EML6: variants seen among roughly 807,000 people sequenced by gnomAD.
EML6 encodes EMAP like 6, also known as echinoderm microtubule-associated protein-like 6.
EML6 carries 154 observed loss-of-function variants against 240.1 expected under a neutral mutation model. That is an observed-to-expected ratio of 0.64 (90% CI 0.56 to 0.73). The LOEUF is 0.73. Among genes scored for constraint, EML6 ranks in the 30% least tolerant of loss-of-function variants. The pLI is 0.00. For missense variants in EML6, 2,964 were observed against 2,474.6 expected (o/e 1.20, Z -4.20); for synonymous variants, 1,148 against 899.0 (o/e 1.28, Z -4.95).
chr2:54,862,683 T>G (rs1158072172), intron 12 of EML6, among the ~76,000 whole-genome samples: 1 of 151,634 alleles, frequency 6.6e-6, no homozygotes, highest in Non-Finnish European at 1.5e-5. Flanking sequence ...AGGACACGAG[T>G]AAGATGAATC....
chr2:54,744,949 CA>C (rs1558521017), intron 2 of EML6, among the ~76,000 whole-genome samples: 5,578 of 144,964 alleles, frequency 0.038, 202 homozygotes, highest in Middle Eastern at 0.089. Context: ...CACACACACA[CA>C]CACACACACA....
At chr2:54,949,922 C>T (rs1308682998) in intron 29 of EML6, among the ~76,000 whole-genome samples, 1 of 152,224 alleles carries the variant, frequency 6.6e-6, no homozygotes, top group Non-Finnish European at 1.5e-5. Flanking sequence ...AGACCTTCTC[C>T]AGTATCTTTT....
chr2:54,842,930 G>A (rs1669541057), intron 7 of EML6, among the ~76,000 whole-genome samples: 1 of 152,218 alleles, frequency 6.6e-6, no homozygotes, highest in Non-Finnish European at 1.5e-5. Context: ...GGTATTTTGA[G>A]ATTGAAATTG....
chr2:54,895,171 C>A, intron 20 of EML6, 102 bp from the exon 21 acceptor site: 1 of 1,370,096 alleles, frequency 7.3e-7, no homozygotes, highest in Non-Finnish European at 1.0e-6. Context: ...AATGTCAAGG[C>A]TGACTGCCTA....
Position 54,847,761 on chromosome 2 carries a change from C to T in EML6, c.1187+138C>T, listed in dbSNP as rs868419896. On this transcript the variant is annotated intron_variant, in intron 9 of 41. Coordinates refer to ENST00000356458, the MANE Select transcript of EML6 (RefSeq NM_001039753.4). ...ATAGGAATACTATAGATCTACGATCCCCTATCTGTAATTCTGAAGTCCTAA... is the reference window on the plus strand; with the variant it reads ...ATAGGAATACTATAGATCTACGATCTCCTATCTGTAATTCTGAAGTCCTAA... 42 of 779,606 alleles carry T rather than the reference C, an allele frequency of 5.4e-5. 1 individual carries two copies. The highest frequency in any genetic ancestry group is 2.3e-4 in the South Asian group (8 of 34,744). The allele number at this position is 779,606 out of a possible 1,614,324, so 48.3% of individuals were successfully genotyped here.
At chr2:54,782,634 G>A (rs1432543117) in intron 2 of EML6, among the ~76,000 whole-genome samples, 1 of 151,444 alleles carries the variant, frequency 6.6e-6, no homozygotes, top group Non-Finnish European at 1.5e-5. Flanking sequence ...AAATCATAAA[G>A]GGTTATAAGT....
intron 2 of EML6, among the ~76,000 whole-genome samples, chr2:54,788,211 A>T (rs765772076): frequency 1.3e-5 from 2 of 152,214 alleles, no homozygotes; most frequent in Non-Finnish European, 2.9e-5. Flanking sequence ...GGTTGAGCAC[A>T]TAGGTTCCAG....
At chr2:54,921,827 G>A (rs1171320597) in intron 26 of EML6, among the ~76,000 whole-genome samples, 1 of 152,092 alleles carries the variant, frequency 6.6e-6, no homozygotes, top group Non-Finnish European at 1.5e-5. Context: ...ACGGTAAGGA[G>A]AAGACAGTCT....
At chr2:54,810,407 C>T (rs1336228467) in intron 2 of EML6, among the ~76,000 whole-genome samples, 1 of 152,148 alleles carries the variant, frequency 6.6e-6, no homozygotes, top group African/African-American at 2.4e-5. Flanking sequence ...CCATTCCCCC[C>T]AACCCCGTCA....
intron 2 of EML6, among the ~76,000 whole-genome samples, chr2:54,738,254 T>C (rs1208057851): frequency 1.3e-5 from 2 of 152,170 alleles, no homozygotes; most frequent in African/African-American, 2.4e-5. Flanking sequence ...GAAGTGTTTG[T>C]TGAATGAACA....
At chr2:54,969,333 A>T (rs1377648138) in intron 41 of EML6, among the ~76,000 whole-genome samples, 1 of 152,200 alleles carries the variant, frequency 6.6e-6, no homozygotes, top group Non-Finnish European at 1.5e-5. Flanking sequence ...TAAAGATGAA[A>T]TACAGGCCTT....
At chr2:54,937,741 G>T (rs1221989039) in intron 28 of EML6, among the ~76,000 whole-genome samples, 1 of 151,982 alleles carries the variant, frequency 6.6e-6, no homozygotes, top group Admixed American at 6.6e-5. Flanking sequence ...TTTTACCTGG[G>T]TAGATGACAT....
Position 54,798,241 on chromosome 2 carries a change from C to G in EML6, c.198-14991C>G, listed in dbSNP as rs1480943410. 2.0e-5 allele frequency among the ~76,000 whole-genome samples: 3 copies of G among 152,272 alleles called. No homozygotes were observed. In the East Asian group the frequency reaches 5.8e-4, roughly 29 times the overall value. ...AGGCTGGAGTGCAGTGGCACCATCT[C>G]GGCTCACTGCAACCTCTGCCTCCCG... On this transcript the variant is annotated intron_variant, in intron 2 of 41. Transcript: ENST00000356458.
intron 2 of EML6, 131 bp from the exon 3 acceptor site, chr2:54,813,101 T>C: frequency 3.1e-6 from 2 of 648,580 alleles, no homozygotes; most frequent in South Asian, 4.3e-5. Context: ...ATTAATTACT[T>C]TGGGGACAGT....
chr2:54,796,653 C>A (rs1669795036), intron 2 of EML6, among the ~76,000 whole-genome samples: 1 of 152,100 alleles, frequency 6.6e-6, no homozygotes, highest in Admixed American at 6.5e-5. Context: ...ACTGTTAGTT[C>A]AGTGCCAAAA....
chr2:54,926,345 GC>G (rs1674545374), intron 26 of EML6, among the ~76,000 whole-genome samples: 1 of 152,186 alleles, frequency 6.6e-6, no homozygotes, highest in African/African-American at 2.4e-5. Context: ...CAAGTGATCT[GC>G]CCGCCTTGGC....
chr2:54,928,688 G>C lies in EML6; in HGVS notation c.3941G>C (p.Ser1314Thr). 1 of 1,551,886 alleles carries C rather than the reference G, an allele frequency of 6.4e-7. No individual in the cohort carries two copies. Among genetic ancestry groups the C allele is most frequent in the Non-Finnish European group, 8.7e-7 (1 of 1,147,034 alleles). ...IDYTTKIYAV[S>T]IREMEGTKPH... ...TACACCACCAAGATTTATGCTGTGA[G>C]CATCAGGGAAATGGAAGGCACCAAG... Residue 1314 changes from serine to threonine, a missense_variant, in exon 28 of 42, where the codon AGC becomes ACC. Physicochemically the swap from Ser to Thr is moderately conservative, Grantham distance 58. Coordinates refer to ENST00000356458, the MANE Select transcript of EML6 (RefSeq NM_001039753.4).
rs974191239 is a variant in EML6, at chr2:54,970,994, G to C, written c.*899G>C. ...GTTAAACAAACTTCTACTACAAAAT[G>C]GAAGGGGAAAAAGGCTCAGGAAGGT... On this transcript the variant is annotated 3_prime_UTR_variant, in exon 42 of 42. Coordinates refer to ENST00000356458, the MANE Select transcript of EML6 (RefSeq NM_001039753.4). 2.0e-5 allele frequency: 3 copies of C among 152,154 alleles called. No individual in the cohort carries two copies. Among genetic ancestry groups the C allele is most frequent in the African/African-American group, 7.2e-5 (3 of 41,414 alleles). 9.4% of individuals were successfully genotyped at this position (152,154 alleles called of 1,614,324 possible).
At chr2:54,941,008 G>T (rs1463723078) in intron 28 of EML6, among the ~76,000 whole-genome samples, 3 of 152,186 alleles carry the variant, frequency 2.0e-5, no homozygotes, top group Admixed American at 6.5e-5. Context: ...ATGTAGACAG[G>T]TTTCCTTCAG....
Sources: allele counts gnomAD v4.1 joint callset (sites outside exome capture counted in the v4.1 genomes callset), GRCh38; gene constraint gnomAD v4.1.1; transcripts MANE v1.5; gene names NCBI Gene and HGNC (gene_info 2026-07-23, HGNC 2026-07-21).